ZNF251: variants seen among roughly 807,000 people sequenced by gnomAD.
ZNF251 encodes the protein zinc finger protein 251.
Under a neutral mutation model 13.5 loss-of-function variants are expected in ZNF251, and 14 were observed. The ratio of observed to expected loss-of-function variants is 1.04; its 90% CI spans 0.69 to 1.63. The LOEUF is 1.63. ZNF251 is among the 40% of genes most tolerant of loss of function. The probability of loss-of-function intolerance (pLI) is 0.00; values close to 1 mark genes in which losing one functional copy is unlikely to be tolerated. For synonymous variants in ZNF251, 287 were observed against 295.2 expected, an observed-to-expected ratio of 0.97 and a Z score of 0.28; for missense variants, 764 against 834.9, an observed-to-expected ratio of 0.92 and a Z score of 1.05.
intron 4 of ZNF251, among the ~76,000 whole-genome samples, chr8:144,750,964 C>G (rs180937398): frequency 2.6e-5 from 4 of 151,838 alleles, no homozygotes; most frequent in Non-Finnish European, 5.9e-5. Context: ...ATTCTCCTGC[C>G]TCAGCCTCCC....
chr8:144,724,740 C>T (rs1411912656), intron 4 of ZNF251, among the ~76,000 whole-genome samples: 2 of 152,050 alleles, frequency 1.3e-5, no homozygotes, highest in Non-Finnish European at 1.5e-5. Flanking sequence ...TACAATTCTA[C>T]CATTATTATA....
At chr8:144,740,569 GAA>G (rs1358887631) in intron 4 of ZNF251, among the ~76,000 whole-genome samples, 5 of 146,620 alleles carry the variant, frequency 3.4e-5, no homozygotes, top group East Asian at 4.1e-4. Context: ...CTGGGAGGCA[GAA>G]GTTGCACTGA....
chr8:144,721,557 A>G lies in ZNF251; in HGVS notation c.*87T>C. ...CTATTTATTTTACTTTGCCAGTAAT[A>G]TTTAGACCTTATATATCTTTCATTA... On this transcript the variant is annotated 3_prime_UTR_variant, in exon 5 of 5. Transcript: ENST00000292562. 21 of 1,226,810 alleles carry G rather than the reference A, an allele frequency of 1.7e-5. No individual in the cohort carries two copies. Among genetic ancestry groups the G allele is most frequent in the Non-Finnish European group, 2.2e-5 (21 of 965,794 alleles). The allele number at this position is 1,226,810 out of a possible 1,614,324, so 76.0% of individuals were successfully genotyped here.
intron 4 of ZNF251, among the ~76,000 whole-genome samples, chr8:144,735,496 GA>G (rs926929918): frequency 9.2e-5 from 14 of 151,992 alleles, no homozygotes; most frequent in African/African-American, 3.4e-4. Context: ...CACTCCCACA[GA>G]AATGTGTACT....
At chr8:144,728,930 A>AT (rs1460713339) in intron 4 of ZNF251, among the ~76,000 whole-genome samples, 1 of 151,036 alleles carries the variant, frequency 6.6e-6, no homozygotes, top group Non-Finnish European at 1.5e-5. Flanking sequence ...CTCTACTAAA[A>AT]ATACAAAATT....
chr8:144,738,253 C>A (rs1187061900), intron 4 of ZNF251, among the ~76,000 whole-genome samples: 2 of 152,212 alleles, frequency 1.3e-5, no homozygotes, highest in Non-Finnish European at 2.9e-5. Flanking sequence ...CATGGTCCAC[C>A]TGGTTGCCCA....
chr8:144,750,732 A>G (rs902021731), intron 4 of ZNF251, among the ~76,000 whole-genome samples: 4 of 152,008 alleles, frequency 2.6e-5, no homozygotes, highest in African/African-American at 4.8e-5. Flanking sequence ...CTGAGCCTCT[A>G]GCAATTTGCC....
chr8:144,732,714 A>C (rs1257343232), intron 4 of ZNF251, among the ~76,000 whole-genome samples: 11 of 151,598 alleles, frequency 7.3e-5, no homozygotes, highest in African/African-American at 2.2e-4. Flanking sequence ...TGGGAGGCTG[A>C]GGCAGGAGAA....
At chr8:144,728,212 G>C (rs950299381) in intron 4 of ZNF251, among the ~76,000 whole-genome samples, 20 of 152,292 alleles carry the variant, frequency 1.3e-4, no homozygotes, top group Non-Finnish European at 2.9e-4. Context: ...CTAGGAGAGA[G>C]AGAGGGAGGT....
intron 4 of ZNF251, among the ~76,000 whole-genome samples, chr8:144,749,492 A>T (rs1325102769): frequency 7.9e-5 from 12 of 151,050 alleles, no homozygotes; most frequent in Non-Finnish European, 1.2e-4. Flanking sequence ...TCAAAAAAAT[A>T]AAAAAAAAAT....
chr8:144,733,083 G>A (rs180860894), intron 4 of ZNF251, among the ~76,000 whole-genome samples: 8 of 151,978 alleles, frequency 5.3e-5, no homozygotes, highest in Admixed American at 6.6e-5. Context: ...TTAGCCAGGC[G>A]TGGTGGCATA....
intron 4 of ZNF251, among the ~76,000 whole-genome samples, chr8:144,746,113 A>G (rs1824416113): frequency 6.6e-6 from 1 of 152,236 alleles, no homozygotes; most frequent in South Asian, 2.1e-4. Flanking sequence ...AGTATAAAGG[A>G]AAATGTAGAT....
At chr8:144,747,901 C>T (rs1041859468) in intron 4 of ZNF251, among the ~76,000 whole-genome samples, 11 of 151,034 alleles carry the variant, frequency 7.3e-5, no homozygotes, top group Admixed American at 2.6e-4. Context: ...CGTGAGCCAC[C>T]GTGTCCAGCT....
At chr8:144,743,518 G>A (rs1011321709) in intron 4 of ZNF251, among the ~76,000 whole-genome samples, 28 of 152,318 alleles carry the variant, frequency 1.8e-4, no homozygotes, top group South Asian at 1.0e-3. Flanking sequence ...TAAGGCTGCC[G>A]TAAATATCTG....
rs911731513 is a variant in ZNF251, at chr8:144,755,511, G to A, written c.-182C>T. ...CAGAACCGGGTCCAGAGCCGGGGAG[G>A]GGGCGGGCTAGGATGAAGAGGGCGG... On this transcript the variant is annotated 5_prime_UTR_variant, in exon 1 of 5. Transcript: ENST00000292562. 2 of 1,286,480 alleles carry A rather than the reference G, an allele frequency of 1.6e-6. No individual in the cohort carries two copies. Among genetic ancestry groups the A allele is most frequent in the Non-Finnish European group, 2.0e-6 (2 of 988,406 alleles). The allele number at this position is 1,286,480 out of a possible 1,614,324, so 79.7% of individuals were successfully genotyped here.
At chr8:144,729,338 T>A (rs1218189498) in intron 4 of ZNF251, among the ~76,000 whole-genome samples, 2 of 75,926 alleles carry the variant, frequency 2.6e-5, no homozygotes, top group Non-Finnish European at 6.9e-5. Flanking sequence ...TATTTTTATT[T>A]TTTTTTTTTT....
At chr8:144,750,832 T>C (rs1214265686) in intron 4 of ZNF251, among the ~76,000 whole-genome samples, 3 of 151,394 alleles carry the variant, frequency 2.0e-5, no homozygotes, top group Admixed American at 1.3e-4. Flanking sequence ...TATCTGCCTG[T>C]TTATCTCTCC....
At chr8:144,742,325 C>G (rs576503844) in intron 4 of ZNF251, among the ~76,000 whole-genome samples, 1 of 151,908 alleles carries the variant, frequency 6.6e-6, no homozygotes, top group South Asian at 2.1e-4. Context: ...GGAAATGGTG[C>G]CAGCTAGAAA....
chr8:144,723,291 G>A lies in ZNF251; in HGVS notation c.369C>T (p.Leu123=), dbSNP rs777603306. The A allele has an allele frequency of 7.6e-6, 12 of 1,577,434 alleles. No individual in the cohort carries two copies. The Admixed American group carries it at 1.6e-4, about 21-fold the overall frequency. The change falls in exon 5 of 5, where the codon CTC becomes CTT. Residue 123 remains leucine (L), a synonymous_variant. Transcript: ENST00000292562. ...VKTPEFVSRR[L]LRDNAQAAEF... ...CAGCGGCCTGTGCATTATCCCTTAA[G>A]AGTCTTCTTGATACAAATTCTGGGG... is the stretch of plus-strand genomic sequence containing the variant.
Sources: gnomAD v4.1 joint callset for allele counts (sites outside exome capture counted in the v4.1 genomes callset) on GRCh38, gnomAD v4.1.1 for gene constraint, MANE v1.5 for transcripts, NCBI Gene and HGNC (gene_info 2026-07-23, HGNC 2026-07-21) for gene names.